The following DRC1 variants were observed in gnomAD, a reference collection of about 807,000 sequenced individuals.
The protein encoded by DRC1 is dynein regulatory complex subunit 1, also known as dynein regulatory complex protein 1.
Under a neutral mutation model 98.7 loss-of-function variants are expected in DRC1, and 74 were observed. The ratio of observed to expected loss-of-function variants is 0.75; its 90% CI spans 0.62 to 0.91. The LOEUF (loss-of-function observed/expected upper bound fraction) is 0.91. DRC1 is among the 40% of genes least tolerant of loss of function. The pLI is 0.00. For synonymous variants in DRC1, 336 were observed against 334.1 expected (o/e 1.01, Z -0.06); for missense variants, 875 against 886.0 (o/e 0.99, Z 0.16).
chr2:26,412,485 G>C (rs1360112643), intron 1 of DRC1, among the ~76,000 whole-genome samples: 1 of 152,160 alleles, frequency 6.6e-6, no homozygotes, highest in South Asian at 2.1e-4. Context: ...GGAGAGAGCA[G>C]GGTCTTGATG....
chr2:26,403,371 A>G lies in DRC1; in HGVS notation c.155+1227A>G, dbSNP rs542501381. Among the ~76,000 whole-genome samples, 14 of 152,344 alleles carry G rather than the reference A, an allele frequency of 9.2e-5. No individual in the cohort carries two copies. In the East Asian group the frequency reaches 2.5e-3, roughly 27 times the overall value. On this transcript the variant is annotated intron_variant, in intron 1 of 16. Coordinates refer to ENST00000288710, the MANE Select transcript of DRC1 (RefSeq NM_145038.5). ...AAATTTATGGTGACACGAGCCCACC[A>G]GTATAGTATTATACCAAATATTTTT...
intron 1 of DRC1, among the ~76,000 whole-genome samples, chr2:26,403,664 A>C (rs1334384624): frequency 6.6e-6 from 1 of 151,786 alleles, no homozygotes; most frequent in Non-Finnish European, 1.5e-5. Flanking sequence ...GTGTGGTGGC[A>C]GGCACCTGTA....
chr2:26,431,407 C>T (rs956427853), intron 6 of DRC1, among the ~76,000 whole-genome samples: 3 of 152,042 alleles, frequency 2.0e-5, no homozygotes, highest in Admixed American at 1.3e-4. Context: ...TCCGTGGGCC[C>T]GTCACTTTCC....
chr2:26,446,728 A>G (rs959630451), intron 10 of DRC1, among the ~76,000 whole-genome samples: 1 of 152,176 alleles, frequency 6.6e-6, no homozygotes, highest in South Asian at 2.1e-4. Context: ...GACAGTTTAC[A>G]CTGTTTTATG....
rs765196304 is a variant in DRC1 at position 26,455,244 on chromosome 2, G to T, written c.2166+11G>T. ...TATCTGAACTCCAAGGTGGGCGGCG[G>T]GGCCTTCCAAGGAGGGGCAGCGGGA... On this transcript the variant is annotated intron_variant, in intron 16 of 16. Transcript: ENST00000288710. 1.4e-5 allele frequency: 22 copies of T among 1,610,060 alleles called. No individual in the cohort carries two copies. In the Middle Eastern group the frequency reaches 9.5e-4, roughly 69 times the overall value.
chr2:26,447,143 G>A (rs910297679), intron 10 of DRC1, among the ~76,000 whole-genome samples: 16 of 151,664 alleles, frequency 1.1e-4, no homozygotes, highest in South Asian at 4.2e-4. Context: ...GGCCGGGTGC[G>A]GTGGCTCATG....
In DRC1 at chr2:26,430,958, C is replaced by CTTT. The variant is rs5830013; in HGVS notation, c.765+104_765+106dup. 2,799 of 343,044 alleles carry CTTT rather than the reference C, an allele frequency of 8.2e-3. 3 individuals carry two copies. The highest frequency in any genetic ancestry group is 0.018 in the South Asian group (494 of 27,870). 21.3% of individuals were successfully genotyped at this position (343,044 alleles called of 1,614,324 possible). Reference sequence around the variant, plus strand: ...AATTTGCTAGCTAGCCTTTTTCTATCTTTTTTTTTTTTTTTTTTTTGAGAT... The same window carrying CTTT: ...AATTTGCTAGCTAGCCTTTTTCTATCTTTTTTTTTTTTTTTTTTTTTTTGAGAT... On this transcript the variant is annotated intron_variant, in intron 6 of 16. Coordinates refer to ENST00000288710, the MANE Select transcript of DRC1 (RefSeq NM_145038.5).
intron 7 of DRC1, among the ~76,000 whole-genome samples, chr2:26,436,319 A>G (rs1390928327): frequency 1.3e-5 from 2 of 151,458 alleles, no homozygotes; most frequent in Admixed American, 6.6e-5. Flanking sequence ...CCTGCCCTTT[A>G]TTTTTTGGAG....
At chr2:26,432,077 A>C in intron 7 of DRC1, 71 bp downstream of exon 7, 1 of 1,550,466 alleles carries the variant, frequency 6.4e-7, no homozygotes, top group Non-Finnish European at 8.7e-7. Context: ...AATGTTTCAT[A>C]TTTAGCAACT....
At chr2:26,438,537 G>A (rs1189195455) in intron 7 of DRC1, among the ~76,000 whole-genome samples, 2 of 152,154 alleles carry the variant, frequency 1.3e-5, no homozygotes, top group African/African-American at 2.4e-5. Context: ...CTTCTGTTCT[G>A]AAGGAGACAT....
chr2:26,429,471 G>T (rs1387208134), intron 4 of DRC1, among the ~76,000 whole-genome samples, 157 bp from the exon 5 acceptor site: 6 of 152,074 alleles, frequency 3.9e-5, no homozygotes, highest in African/African-American at 1.4e-4. Context: ...CTCCCAAAGT[G>T]CTGAGATTAT....
At chr2:26,453,664 C>T in intron 14 of DRC1, 115 bp downstream of exon 14, 1 of 1,081,168 alleles carries the variant, frequency 9.2e-7, no homozygotes, top group Middle Eastern at 3.1e-4. Flanking sequence ...GATGCGGGGA[C>T]TAAGGACAGG....
rs765669218 is a variant in DRC1 at position 26,454,756 on chromosome 2, T to C, written c.2029T>C (p.Trp677Arg). The C allele has an allele frequency of 5.5e-5, 88 of 1,613,958 alleles. No homozygotes were observed. Among genetic ancestry groups the C allele is most frequent in the Non-Finnish European group, 7.1e-5 (84 of 1,180,002 alleles). ...GATCCCTTCCTCCAAGCAGAACCTC[T>C]GGGATGCCCTCTACACAGCCTTGGA... ...TVIPSSKQNL[W>R]DALYTALEKY... The change falls in exon 15 of 17, where the codon TGG (tryptophan) becomes CGG (arginine). Residue 677 changes from tryptophan to arginine, a missense_variant. Physicochemically the swap from Trp to Arg is moderately radical, Grantham distance 101. Coordinates refer to ENST00000288710, the MANE Select transcript of DRC1 (RefSeq NM_145038.5). The surrounding 1 kb of genome is among the most constrained non-coding windows in gnomAD (Gnocchi z 5.2).
chr2:26,426,406 G>A (rs1317774147), intron 4 of DRC1, among the ~76,000 whole-genome samples: 13 of 147,544 alleles, frequency 8.8e-5, no homozygotes, highest in African/African-American at 2.3e-4. Flanking sequence ...TTGCTCTGTC[G>A]CCCAGGCTGG....
Position 26,429,774 on chromosome 2 carries a change from G to A in DRC1, c.678+9G>A, listed in dbSNP as rs748883827. The A allele has an allele frequency of 3.1e-6, 5 of 1,613,556 alleles. No homozygotes were observed. The African/African-American group carries it at 4.0e-5, about 13-fold the overall frequency. On this transcript the variant is annotated intron_variant, in intron 5 of 16. Coordinates refer to ENST00000288710, the MANE Select transcript of DRC1 (RefSeq NM_145038.5). ...AGCTCTATAACATTGAGGTAACAGG[G>A]TGTGAAAAGACCTGGTTTCTGCTCT...
intron 16 of DRC1, 90 bp from the exon 17 acceptor site, chr2:26,456,371 G>C: frequency 4.6e-6 from 7 of 1,519,366 alleles, no homozygotes; most frequent in Non-Finnish European, 6.4e-6. Flanking sequence ...GGGCTTTGGA[G>C]GCCCATGGGA....
At position 26,402,138 on chromosome 2, in the gene DRC1, G is replaced by C; in HGVS notation, c.149G>C (p.Arg50Pro). 1.2e-6 allele frequency: 2 copies of C among 1,604,948 alleles called. No homozygotes were observed. Among genetic ancestry groups the C allele is most frequent in the South Asian group, 2.2e-5 (2 of 90,118 alleles). ...RLRIAARLEA[R>P]RREALGEYLD... ...CGCATCGCTGCGCGCTTAGAAGCCC[G>C]GAGGCGGTGAGCGCGGGGGCGGGCG... The change falls in exon 1 of 17, where the codon CGG becomes CCG. Residue 50 changes from arginine to proline, a missense_variant. Coordinates refer to ENST00000288710, the MANE Select transcript of DRC1 (RefSeq NM_145038.5).
chr2:26,413,575 T>A (rs1376152888), intron 1 of DRC1, among the ~76,000 whole-genome samples: 2 of 152,342 alleles, frequency 1.3e-5, no homozygotes, highest in Non-Finnish European at 2.9e-5. Context: ...TCTGATTATA[T>A]GTGAAGCTGA....
chr2:26,438,015 C>T (rs1663616831), intron 7 of DRC1, among the ~76,000 whole-genome samples: 1 of 148,772 alleles, frequency 6.7e-6, no homozygotes, highest in South Asian at 2.1e-4. Flanking sequence ...TCATTTGAAC[C>T]CGGGAAGTGG....
Sources: allele counts gnomAD v4.1 joint callset (sites outside exome capture counted in the v4.1 genomes callset), GRCh38; gene constraint gnomAD v4.1.1; non-coding constraint Gnocchi (gnomAD v3.1); transcripts MANE v1.5; gene names NCBI Gene and HGNC (gene_info 2026-07-23, HGNC 2026-07-21).